The following MARCHF10 variants were observed in gnomAD, a reference collection of about 807,000 sequenced individuals.
MARCHF10 encodes the protein probable E3 ubiquitin-protein ligase MARCHF10.
Under a neutral mutation model 76.2 loss-of-function variants are expected in MARCHF10, and 64 were observed. That is an observed-to-expected ratio of 0.84 (90% CI 0.69 to 1.03). MARCHF10 has a LOEUF of 1.03. MARCHF10 is among the 50% of genes least tolerant of loss of function. The pLI is 0.00. For missense variants in MARCHF10, 875 were observed against 958.0 expected (o/e 0.91, Z 1.14); for synonymous variants, 340 against 357.5 (o/e 0.95, Z 0.55).
chr17:62,771,482 T>C (rs1178203162), intron 3 of MARCHF10, among the ~76,000 whole-genome samples: 1 of 151,916 alleles, frequency 6.6e-6, no homozygotes, highest in Non-Finnish European at 1.5e-5. Flanking sequence ...CAGGGCCTCG[T>C]TGGTTACATC....
At chr17:62,765,466 G>A (rs1274227026) in intron 3 of MARCHF10, among the ~76,000 whole-genome samples, 1 of 150,370 alleles carries the variant, frequency 6.7e-6, no homozygotes, top group Non-Finnish European at 1.5e-5. Flanking sequence ...ACACCCTCCT[G>A]CCTACAGGCT....
At chr17:62,766,229 G>A (rs976626770) in intron 3 of MARCHF10, among the ~76,000 whole-genome samples, 14 of 152,048 alleles carry the variant, frequency 9.2e-5, no homozygotes, top group Non-Finnish European at 2.1e-4. Flanking sequence ...GGCCGGACGC[G>A]GTGGCTCACG....
At chr17:62,722,032 T>C (rs1322196620) in intron 8 of MARCHF10, among the ~76,000 whole-genome samples, 1 of 151,940 alleles carries the variant, frequency 6.6e-6, no homozygotes, top group Non-Finnish European at 1.5e-5. Context: ...CCTGTAATTG[T>C]AGCACTCTGG....
At chr17:62,766,894 G>A (rs2092346301) in intron 3 of MARCHF10, among the ~76,000 whole-genome samples, 1 of 152,200 alleles carries the variant, frequency 6.6e-6, no homozygotes, top group African/African-American at 2.4e-5. Context: ...GTTTAATCAA[G>A]GGATACGTTC....
intron 3 of MARCHF10, among the ~76,000 whole-genome samples, chr17:62,774,531 A>G (rs1249207096): frequency 6.6e-6 from 1 of 152,112 alleles, no homozygotes; most frequent in African/African-American, 2.4e-5. Flanking sequence ...GGACAGCCTC[A>G]AGGAAAAGCC....
At chr17:62,735,466 G>T (rs556528233) in intron 6 of MARCHF10, 1 of 154,568 alleles carries the variant, frequency 6.5e-6, no homozygotes, top group African/African-American at 2.4e-5. Context: ...TGGTAACTAA[G>T]AACGGTCTTT....
chr17:62,747,017 T>C (rs1388915571), intron 4 of MARCHF10: 1 of 1,426,446 alleles, frequency 7.0e-7, no homozygotes, highest in Non-Finnish European at 9.5e-7. Context: ...TTTTAAAAAA[T>C]GGCCTTTAGT....
intron 7 of MARCHF10, among the ~76,000 whole-genome samples, chr17:62,723,559 C>CTTTTTTTATTTTTTTTTTTTTTTT (rs2090600095): frequency 1.2e-5 from 1 of 80,370 alleles, no homozygotes; most frequent in African/African-American, 5.4e-5. Flanking sequence ...GTTCGCTTGA[C>CTTTTTTTATTTTTTTTTTTTTTTT]TTTTTTTTTT....
intron 4 of MARCHF10, among the ~76,000 whole-genome samples, chr17:62,754,518 C>T (rs2091985683): frequency 6.6e-6 from 1 of 152,052 alleles, no homozygotes; most frequent in African/African-American, 2.4e-5. Flanking sequence ...TTGCCTAAAG[C>T]CTGGTCTACA....
At chr17:62,719,491 T>C (rs911617922) in intron 8 of MARCHF10, among the ~76,000 whole-genome samples, 14 of 152,214 alleles carry the variant, frequency 9.2e-5, no homozygotes, top group Admixed American at 5.2e-4. Context: ...TTCTGGGAAG[T>C]CAGATGTCAT....
At chr17:62,778,491 G>T (rs535898861) in intron 3 of MARCHF10, among the ~76,000 whole-genome samples, 5 of 152,190 alleles carry the variant, frequency 3.3e-5, no homozygotes, top group Admixed American at 2.0e-4. Context: ...AGCACTTTGG[G>T]AGGCTGAGGC....
At chr17:62,786,154 T>A (rs974613775) in intron 3 of MARCHF10, among the ~76,000 whole-genome samples, 1 of 152,118 alleles carries the variant, frequency 6.6e-6, no homozygotes, top group African/African-American at 2.4e-5. Context: ...AATGATAGAC[T>A]GGATTAAGAA....
intron 3 of MARCHF10, among the ~76,000 whole-genome samples, chr17:62,780,155 CTT>C (rs1277084408): frequency 6.6e-6 from 1 of 151,698 alleles, no homozygotes; most frequent in Non-Finnish European, 1.5e-5. Context: ...CAGACGTGCT[CTT>C]GAGTGTGTAA....
intron 3 of MARCHF10, among the ~76,000 whole-genome samples, chr17:62,762,218 A>G (rs1249958657): frequency 6.6e-6 from 1 of 152,140 alleles, no homozygotes; most frequent in African/African-American, 2.4e-5. Flanking sequence ...ATTAAACCTC[A>G]AGCCTTTAGT....
chr17:62,774,863 G>C, intron 3 of MARCHF10, among the ~76,000 whole-genome samples: 1 of 152,026 alleles, frequency 6.6e-6, no homozygotes, highest in South Asian at 2.1e-4. Flanking sequence ...AGACCAGCCT[G>C]GCCAAGATGG....
chr17:62,792,029 C>T (rs1030689845), intron 2 of MARCHF10, among the ~76,000 whole-genome samples: 1 of 152,036 alleles, frequency 6.6e-6, no homozygotes, highest in South Asian at 2.1e-4. Flanking sequence ...CAAAACTGGC[C>T]GAGGGCAGTC....
intron 3 of MARCHF10, among the ~76,000 whole-genome samples, chr17:62,787,641 G>A (rs1000440010): frequency 6.6e-6 from 1 of 152,112 alleles, no homozygotes; most frequent in South Asian, 2.1e-4. Flanking sequence ...GGGTCAGACT[G>A]CCTAGAATGG....
intron 3 of MARCHF10, among the ~76,000 whole-genome samples, chr17:62,762,378 G>A (rs2092229553): frequency 6.6e-6 from 1 of 152,184 alleles, no homozygotes; most frequent in Admixed American, 6.5e-5. Context: ...CTAGAAGTTG[G>A]TGTTTTATCA....
chr17:62,747,103 A>G, intron 4 of MARCHF10: 1 of 703,712 alleles, frequency 1.4e-6, no homozygotes, highest in East Asian at 2.7e-5. Context: ...AAGAATGAGG[A>G]TCGTCTCTCA....
Sources: allele counts gnomAD v4.1 joint callset (sites outside exome capture counted in the v4.1 genomes callset), GRCh38; gene constraint gnomAD v4.1.1; transcripts MANE v1.5; gene names NCBI Gene and HGNC (gene_info 2026-07-23, HGNC 2026-07-21).